Variants in NRG1 observed in about 807,000 individuals in gnomAD.
NRG1 encodes the protein neuregulin 1.
In NRG1, 18 loss-of-function variants were observed where a neutral mutation model predicts 63.8. The ratio of observed to expected loss-of-function variants is 0.28; its 90% CI spans 0.19 to 0.42. The LOEUF (loss-of-function observed/expected upper bound fraction) is 0.42. NRG1 is among the 10% of genes least tolerant of loss of function. The probability of loss-of-function intolerance (pLI) is 1.00; values close to 1 mark genes in which losing one functional copy is unlikely to be tolerated. For synonymous variants in NRG1, 302 were observed against 301.3 expected (o/e 1.00, Z -0.02); for missense variants, 762 against 814.7 (o/e 0.94, Z 0.79).
At chr8:32,527,627 G>A (rs779699597) in intron 1 of NRG1, among the ~76,000 whole-genome samples, 93 of 152,046 alleles carry the variant, frequency 6.1e-4, no homozygotes, top group Non-Finnish European at 1.1e-3. Context: ...AACTGCACTT[G>A]TACCTTCTAA....
intron 1 of NRG1, among the ~76,000 whole-genome samples, chr8:31,742,547 C>G (rs777129338): frequency 7.5e-6 from 1 of 134,084 alleles, no homozygotes; most frequent in Non-Finnish European, 1.5e-5. Flanking sequence ...AGGTTCCCCT[C>G]CTTTTCCTGA....
chr8:32,031,391 C>T (rs1818233127), intron 1 of NRG1, among the ~76,000 whole-genome samples: 1 of 152,210 alleles, frequency 6.6e-6, no homozygotes, highest in South Asian at 2.1e-4. Flanking sequence ...ACTTACTCTT[C>T]ACTTTGTTGT....
chr8:32,149,962 G>A (rs1015058014), intron 1 of NRG1, among the ~76,000 whole-genome samples: 4 of 152,126 alleles, frequency 2.6e-5, no homozygotes, highest in Admixed American at 6.5e-5. Flanking sequence ...AATAATGCTG[G>A]TTTTCTTGGC....
chr8:32,447,209 G>A (rs1037348989), intron 1 of NRG1, among the ~76,000 whole-genome samples: 1 of 151,552 alleles, frequency 6.6e-6, no homozygotes, highest in Non-Finnish European at 1.5e-5. Context: ...ATTTTTAGTA[G>A]AGACGGGGTT....
At chr8:32,213,864 G>C (rs912471845) in intron 1 of NRG1, among the ~76,000 whole-genome samples, 23 of 152,280 alleles carry the variant, frequency 1.5e-4, no homozygotes, top group Middle Eastern at 3.4e-3. Context: ...TCAGACGTGA[G>C]TAACTCCAAG....
At chr8:32,422,131 C>T (rs1171957731) in intron 1 of NRG1, among the ~76,000 whole-genome samples, 2 of 151,880 alleles carry the variant, frequency 1.3e-5, no homozygotes, top group African/African-American at 4.8e-5. Flanking sequence ...TACCCATAAA[C>T]TTATATTTAA....
At chr8:32,569,237 A>T (rs1774216484) in intron 1 of NRG1, among the ~76,000 whole-genome samples, 2 of 152,002 alleles carry the variant, frequency 1.3e-5, no homozygotes, top group South Asian at 4.1e-4. Flanking sequence ...TTTTGCAGAG[A>T]GGGGTTTTGC....
intron 1 of NRG1, among the ~76,000 whole-genome samples, chr8:31,946,708 C>A (rs2129621927): frequency 6.6e-6 from 1 of 152,248 alleles, no homozygotes; most frequent in East Asian, 1.9e-4. Flanking sequence ...GTGTCCCCTC[C>A]AGGAGGATAC....
chr8:32,759,144 C>T (rs888887511), intron 9 of NRG1, among the ~76,000 whole-genome samples, 162 bp from the exon 10 acceptor site: 5 of 151,964 alleles, frequency 3.3e-5, no homozygotes, highest in African/African-American at 1.2e-4. Flanking sequence ...CAGGATTTTC[C>T]ACCTGGCCAT....
At chr8:32,358,368 G>GAAAA (rs34976612) in intron 1 of NRG1, among the ~76,000 whole-genome samples, 1 of 99,024 alleles carries the variant, frequency 1.0e-5, no homozygotes. Context: ...TGCCATTTAT[G>GAAAA]AAAAAAAAAA....
intron 1 of NRG1, among the ~76,000 whole-genome samples, chr8:32,425,438 A>G (rs1430516866): frequency 6.6e-6 from 1 of 152,194 alleles, no homozygotes; most frequent in Non-Finnish European, 1.5e-5. Flanking sequence ...TGCAATGGCT[A>G]TGTGTCTGTT....
intron 5 of NRG1, among the ~76,000 whole-genome samples, chr8:32,641,513 T>C (rs1188569562): frequency 6.6e-6 from 1 of 152,188 alleles, no homozygotes; most frequent in Non-Finnish European, 1.5e-5. Flanking sequence ...TAATAGGTTC[T>C]CCCAAAGTAA....
intron 1 of NRG1, among the ~76,000 whole-genome samples, chr8:32,072,238 C>A (rs2131046346): frequency 6.7e-6 from 1 of 148,410 alleles, no homozygotes; most frequent in South Asian, 2.1e-4. Context: ...ACCAGAGAAC[C>A]ACTCTAACTT....
intron 1 of NRG1, among the ~76,000 whole-genome samples, chr8:31,719,872 TG>T (rs1812729989): frequency 6.6e-6 from 1 of 152,086 alleles, no homozygotes; most frequent in Non-Finnish European, 1.5e-5. Flanking sequence ...AAATGTTTTT[TG>T]TTAGTTAGAT....
chr8:32,501,599 C>G (rs1279714374), intron 1 of NRG1, among the ~76,000 whole-genome samples: 1 of 152,148 alleles, frequency 6.6e-6, no homozygotes, highest in Non-Finnish European at 1.5e-5. Flanking sequence ...TAAATGGGAT[C>G]ACAGATCACT....
At chr8:32,013,063 G>T (rs903446174) in intron 1 of NRG1, among the ~76,000 whole-genome samples, 2 of 152,200 alleles carry the variant, frequency 1.3e-5, no homozygotes, top group Non-Finnish European at 2.9e-5. Flanking sequence ...AAGCCAAACT[G>T]TCATCAGGGA....
chr8:32,109,740 A>G (rs537122736), intron 1 of NRG1, among the ~76,000 whole-genome samples: 1 of 152,110 alleles, frequency 6.6e-6, no homozygotes, highest in Admixed American at 6.5e-5. Flanking sequence ...GTTCCCCTCA[A>G]TTCAAGAGTA....
chr8:31,855,901 G>T (rs1308704637), intron 1 of NRG1, among the ~76,000 whole-genome samples: 1 of 151,792 alleles, frequency 6.6e-6, no homozygotes, highest in Non-Finnish European at 1.5e-5. Flanking sequence ...TGAAATTCTG[G>T]GTTGAAAATT....
At chr8:31,973,386 A>C (rs1404519036) in intron 1 of NRG1, among the ~76,000 whole-genome samples, 1 of 152,226 alleles carries the variant, frequency 6.6e-6, no homozygotes, top group Non-Finnish European at 1.5e-5. Context: ...TCCTTTGTAT[A>C]AACTCGTAAA....
Sources: gnomAD v4.1 joint callset for allele counts (sites outside exome capture counted in the v4.1 genomes callset) on GRCh38, gnomAD v4.1.1 for gene constraint, MANE v1.5 for transcripts, NCBI Gene and HGNC (gene_info 2026-07-23, HGNC 2026-07-21) for gene names.